Variants in MTARC1 observed in about 807,000 individuals in gnomAD.
MTARC1 encodes the protein mitochondrial amidoxime-reducing component 1.
A neutral mutation model predicts 33.6 loss-of-function variants in MTARC1; 24 were observed. That is an observed-to-expected ratio of 0.72 (90% CI 0.52 to 1.01). MTARC1 has a LOEUF of 1.01. MTARC1 is among the 50% of genes least tolerant of loss of function. The pLI is 0.00. For synonymous variants in MTARC1, 187 were observed against 189.5 expected, an observed-to-expected ratio of 0.99 and a Z score of 0.11; for missense variants, 417 against 445.7, an observed-to-expected ratio of 0.94 and a Z score of 0.58.
chr1:220,813,413 C>T lies in MTARC1; in HGVS notation c.1009C>T (p.Gln337Ter), dbSNP rs1305444645. ...GGGAGACCCTGTGTACCTGCTGGGC[C>T]AGTAATGGGAACCGTATGTCCTGGA... ...KVGDPVYLLGQ is the reference protein window; with the variant it reads ...KVGDPVYLLG The change falls in exon 7 of 7, where the codon CAG becomes TAG. Residue 337 changes from glutamine (Q) to a stop codon, truncating the protein, a stop_gained. Transcript: ENST00000366910. LOFTEE classifies it high-confidence loss of function. 1.9e-6 allele frequency: 3 copies of T among 1,614,118 alleles called. 1 individual carries two copies. In the South Asian group the frequency reaches 3.3e-5, roughly 18 times the overall value.
chr1:220,818,143 T>C lies in MTARC1; in HGVS notation c.*4725T>C, dbSNP rs537111381. On this transcript the variant is annotated 3_prime_UTR_variant, in exon 7 of 7. Coordinates refer to ENST00000366910, the MANE Select transcript of MTARC1 (RefSeq NM_022746.4). ...CTCGGTACCACAGATGTTCTTGGAA[T>C]TGGGATAGTAAAAAAGTCCCTGAGG... 1.3e-5 allele frequency: 2 copies of C among 152,308 alleles called. No individual in the cohort carries two copies. Among genetic ancestry groups the C allele is most frequent in the Middle Eastern group, 6.8e-3 (2 of 294 alleles). The allele number at this position is 152,308 out of a possible 1,614,324, so 9.4% of individuals were successfully genotyped here.
rs776169849 is a variant in MTARC1, at chr1:220,805,187, CTG to C, written c.816-6_816-5del. The C allele has an allele frequency of 2.5e-6, 4 of 1,614,022 alleles. No homozygotes were observed. Among genetic ancestry groups the C allele is most frequent in the Admixed American group, 3.3e-5 (2 of 60,004 alleles). On this transcript the variant is annotated splice_polypyrimidine_tract_variant and intron_variant, in intron 5 of 6. Coordinates refer to ENST00000366910, the MANE Select transcript of MTARC1 (RefSeq NM_022746.4). The stretch of plus-strand genomic sequence containing the variant: ...TCTGCTCTGTCCCCCTTATGATGCT[CTG>C]TGTGTGTGTCCAGATGCATTTTAAC...
At chr1:220,794,608 G>A (rs1028262284) in intron 2 of MTARC1, among the ~76,000 whole-genome samples, 1 of 151,966 alleles carries the variant, frequency 6.6e-6, no homozygotes, top group African/African-American at 2.4e-5. Flanking sequence ...TTAATACTAG[G>A]TTAGAATGAT....
intron 4 of MTARC1, among the ~76,000 whole-genome samples, chr1:220,801,958 A>G (rs892785101): frequency 6.6e-6 from 1 of 152,046 alleles, no homozygotes; most frequent in Admixed American, 6.5e-5. Flanking sequence ...CTGAAGCCAC[A>G]GTAGAGACAA....
chr1:220,819,408 G>A lies in MTARC1; in HGVS notation c.*5990G>A, dbSNP rs1673342683. 2 of 152,152 alleles carry A rather than the reference G, an allele frequency of 1.3e-5. No individual in the cohort carries two copies. The highest frequency in any genetic ancestry group is 6.5e-5 in the Admixed American group (1 of 15,274). The allele number at this position is 152,152 out of a possible 1,614,324, so 9.4% of individuals were successfully genotyped here. Reference sequence around the variant, plus strand: ...AGTCGAAGTCCTAGAGAATATATCTGGAGCTTTTGTGGGGCTAAGAGATCT... The same window carrying A: ...AGTCGAAGTCCTAGAGAATATATCTAGAGCTTTTGTGGGGCTAAGAGATCT... On this transcript the variant is annotated 3_prime_UTR_variant, in exon 7 of 7. Transcript: ENST00000366910.
intron 4 of MTARC1, chr1:220,799,249 T>A: frequency 1.1e-6 from 1 of 907,934 alleles, no homozygotes; most frequent in Non-Finnish European, 1.3e-6. Flanking sequence ...GCGTTTCTTC[T>A]AAAGATGGTG....
chr1:220,804,691 C>T (rs1364354737), intron 4 of MTARC1, among the ~76,000 whole-genome samples: 1 of 151,980 alleles, frequency 6.6e-6, no homozygotes, highest in Non-Finnish European at 1.5e-5. Context: ...ACAATGCCCC[C>T]ATCTGTCCCC....
rs1383800197 is a variant in MTARC1, at chr1:220,815,200, AC to A, written c.*1785del. On this transcript the variant is annotated 3_prime_UTR_variant, in exon 7 of 7. Transcript: ENST00000366910. ...GTAGCATTACTAATGGGACCGGGGG[AC>A]CCGTGGGAGAGTGAGTGTACACAGG... 1.3e-5 allele frequency: 2 copies of A among 152,224 alleles called. No individual in the cohort carries two copies. Among genetic ancestry groups the A allele is most frequent in the African/African-American group, 4.8e-5 (2 of 41,444 alleles). 9.4% of individuals were successfully genotyped at this position (152,224 alleles called of 1,614,324 possible). A position where few individuals can be genotyped will look rare whatever the true frequency, so the allele number is the denominator to read the frequency against.
At chr1:220,794,599 T>C (rs1672544938) in intron 2 of MTARC1, among the ~76,000 whole-genome samples, 1 of 152,132 alleles carries the variant, frequency 6.6e-6, no homozygotes, top group Admixed American at 6.5e-5. Flanking sequence ...TAGATATGAT[T>C]AATACTAGGT....
intron 1 of MTARC1, among the ~76,000 whole-genome samples, chr1:220,788,032 A>G (rs1672299960): frequency 1.3e-5 from 2 of 152,040 alleles, no homozygotes; most frequent in Admixed American, 6.6e-5. Context: ...AGAAAGAAAG[A>G]GTTGTGGGGG....
intron 6 of MTARC1, among the ~76,000 whole-genome samples, chr1:220,810,258 T>C (rs1323927589): frequency 6.6e-6 from 1 of 152,182 alleles, no homozygotes; most frequent in Admixed American, 6.5e-5. Context: ...TTTCAGAGTG[T>C]TGAACTTAGT....
chr1:220,813,346 T>C lies in MTARC1; in HGVS notation c.942T>C (p.Phe314=), dbSNP rs1558095982. 1 of 1,614,176 alleles carries C rather than the reference T, an allele frequency of 6.2e-7. No individual in the cohort carries two copies. Among genetic ancestry groups the C allele is most frequent in the East Asian group, 2.2e-5 (1 of 44,868 alleles). ...AGTTATATGGAAAATCACCACTCTT[T>C]GGGCAGTATTTTGTGCTGGAAAACC... ...ERKLYGKSPL[F]GQYFVLENPG... is the part of the protein sequence containing the mutation. Residue 314 remains phenylalanine, a synonymous_variant, in exon 7 of 7, where the codon TTT becomes TTC. Coordinates refer to ENST00000366910, the MANE Select transcript of MTARC1 (RefSeq NM_022746.4).
intron 2 of MTARC1, among the ~76,000 whole-genome samples, chr1:220,794,506 G>A (rs1672540681): frequency 6.6e-6 from 1 of 151,224 alleles, no homozygotes; most frequent in African/African-American, 2.4e-5. Context: ...ATTATTTGGA[G>A]CTAAAGCCTG....
chr1:220,795,302 G>A (rs1343040821), intron 2 of MTARC1, among the ~76,000 whole-genome samples: 3 of 152,074 alleles, frequency 2.0e-5, no homozygotes, highest in Non-Finnish European at 4.4e-5. Flanking sequence ...AAGAAACTGA[G>A]TCTCAGAATA....
chr1:220,797,649 T>G (rs1469674622), intron 3 of MTARC1: 3 of 536,336 alleles, frequency 5.6e-6, no homozygotes. Context: ...TAGGATTGAT[T>G]CTGAGTCCTT....
chr1:220,796,742 C>T lies in MTARC1; in HGVS notation c.549C>T (p.Phe183=), dbSNP rs201107986. The part of the protein sequence containing the change: ...LKSQPYRLVH[F]EPHMRPRRPH... ...CACAGCCCTACCGCCTGGTGCACTT[C>T]GAGCCTCACATGCGACCGAGACGTC... Residue 183 remains phenylalanine (F), a synonymous_variant, in exon 3 of 7, where the codon TTC becomes TTT. Transcript: ENST00000366910. 207 of 1,612,838 alleles carry T rather than the reference C, an allele frequency of 1.3e-4. 4 individuals carry two copies. The East Asian group carries it at 4.2e-3, about 33-fold the overall frequency.
chr1:220,796,115 A>G (rs1672608077), intron 2 of MTARC1, among the ~76,000 whole-genome samples: 1 of 151,942 alleles, frequency 6.6e-6, no homozygotes, highest in Admixed American at 6.6e-5. Context: ...TATTGTTATT[A>G]TTAAATAAAT....
intron 4 of MTARC1, among the ~76,000 whole-genome samples, chr1:220,800,903 C>T (rs879321008): frequency 7.4e-5 from 11 of 148,764 alleles, no homozygotes; most frequent in Non-Finnish European, 1.3e-4. Context: ...CCTTCCCCCC[C>T]ACTCCCCTCT....
intron 6 of MTARC1, among the ~76,000 whole-genome samples, 188 bp downstream of exon 6, chr1:220,805,462 T>C (rs1293119709): frequency 6.6e-6 from 1 of 152,242 alleles, no homozygotes; most frequent in African/African-American, 2.4e-5. Flanking sequence ...ACATGTCTGC[T>C]TAAACAAGTA....
Sources: allele counts gnomAD v4.1 joint callset (sites outside exome capture counted in the v4.1 genomes callset), GRCh38; gene constraint gnomAD v4.1.1; transcripts MANE v1.5; gene names NCBI Gene and HGNC (gene_info 2026-07-23, HGNC 2026-07-21).